The following RPS18 variants were observed in gnomAD, a reference collection of about 807,000 sequenced individuals.
RPS18 encodes the protein small ribosomal subunit protein uS13.
For missense variants in RPS18, 49 were observed against 200.8 expected (o/e 0.24, Z 4.57); for synonymous variants, 64 against 70.9 (o/e 0.90, Z 0.49).
chr6:33,275,898 G>C lies in RPS18; in HGVS notation c.189+15G>C, dbSNP rs756470167. 1.1e-5 allele frequency: 18 copies of C among 1,609,252 alleles called. No individual in the cohort carries two copies. The East Asian group carries it at 3.8e-4, about 34-fold the overall frequency. ...CTGAGGATGAGGTGAGGACAAGGAA[G>C]GGGGCTGGGGGTGGGGTCAGCCTCA... On this transcript the variant is annotated intron_variant, in intron 3 of 5. Coordinates refer to ENST00000439602, the MANE Select transcript of RPS18 (RefSeq NM_022551.3).
At position 33,276,507 on chromosome 6, in the gene RPS18, A is replaced by G. The variant is rs1765631737; in HGVS notation, c.*41A>G. The G allele has an allele frequency of 6.9e-7, 1 of 1,458,088 alleles. No individual in the cohort carries two copies. Among genetic ancestry groups the G allele is most frequent in the African/African-American group, 1.4e-5 (1 of 70,954 alleles). The allele number at this position is 1,458,088 out of a possible 1,614,324, so 90.3% of individuals were successfully genotyped here. ...CTGTTAATAAATAGTTTATATACCT[A>G]TGGCTTCCTGTCCTTTCTGTCCATT... is the stretch of plus-strand genomic sequence containing the variant. On this transcript the variant is annotated 3_prime_UTR_variant, in exon 6 of 6. Coordinates refer to ENST00000439602, the MANE Select transcript of RPS18 (RefSeq NM_022551.3).
At chr6:33,274,235 CTG>C (rs751972273) in intron 2 of RPS18, among the ~76,000 whole-genome samples, 1 of 152,194 alleles carries the variant, frequency 6.6e-6, no homozygotes, top group Non-Finnish European at 1.5e-5. Context: ...TTTTTTGAGA[CTG>C]TCGCCCAGGC....
intron 5 of RPS18, 42 bp downstream of exon 5, chr6:33,276,309 A>G: frequency 6.2e-7 from 1 of 1,604,790 alleles, no homozygotes; most frequent in Non-Finnish European, 8.5e-7. Flanking sequence ...TCGACTCAGC[A>G]TTCCTCCTAC....
chr6:33,275,116 A>C (rs1765536453), intron 2 of RPS18, among the ~76,000 whole-genome samples: 1 of 152,054 alleles, frequency 6.6e-6, no homozygotes, highest in African/African-American at 2.4e-5. Flanking sequence ...ACCTTAATCA[A>C]AGCCTGTAAC....
chr6:33,272,502 G>T (rs553519550), intron 1 of RPS18, 126 bp from the exon 2 acceptor site: 1 of 730,960 alleles, frequency 1.4e-6, no homozygotes, highest in South Asian at 1.5e-5. Context: ...CTAAGGAATG[G>T]GGGGCGGGTG....
rs376252953 is a variant in RPS18 at position 33,272,127 on chromosome 6, G to T, written c.3+5G>T. The T allele has an allele frequency of 6.4e-7, 1 of 1,566,994 alleles. No individual in the cohort carries two copies. Among genetic ancestry groups the T allele is most frequent in the Non-Finnish European group, 8.7e-7 (1 of 1,155,724 alleles). The stretch of plus-strand genomic sequence containing the variant: ...GCCGCTTGTGCTGCAGCCATGGTAA[G>T]ACTGGAATCCGTGCCGTGATCCAGC... On this transcript the variant is annotated splice_donor_5th_base_variant and intron_variant, in intron 1 of 5. Coordinates refer to ENST00000439602, the MANE Select transcript of RPS18 (RefSeq NM_022551.3).
At chr6:33,272,996 C>A (rs1023402251) in intron 2 of RPS18, among the ~76,000 whole-genome samples, 1 of 152,214 alleles carries the variant, frequency 6.6e-6, no homozygotes, top group Non-Finnish European at 1.5e-5. Flanking sequence ...CACCCGAATT[C>A]GCTAAGATTT....
In RPS18 at chr6:33,276,161, C is replaced by T. The variant is rs1765610648; in HGVS notation, c.292-15C>T. ...CAGGGGATAAAACATCCCTTGCCCC[C>T]TCCTCTGAATCCAGGTCCTAGCCAA... On this transcript the variant is annotated splice_polypyrimidine_tract_variant and intron_variant, in intron 4 of 5. Transcript: ENST00000439602. 1 of 1,613,376 alleles carries T rather than the reference C, an allele frequency of 6.2e-7. No homozygotes were observed. Among genetic ancestry groups the T allele is most frequent in the South Asian group, 1.1e-5 (1 of 91,072 alleles).
intron 4 of RPS18, 46 bp downstream of exon 4, chr6:33,276,112 C>CTA (rs1468163471): frequency 6.2e-7 from 1 of 1,606,562 alleles, no homozygotes; most frequent in South Asian, 1.1e-5. Flanking sequence ...GTGGAGGGTC[C>CTA]TAACAGAATT....
intron 1 of RPS18, chr6:33,272,355 A>G: frequency 1.6e-6 from 1 of 608,866 alleles, no homozygotes; most frequent in South Asian, 2.0e-5. Context: ...TATATGGGGA[A>G]CTCTGGCTTT....
At chr6:33,274,417 C>T (rs1765496088) in intron 2 of RPS18, among the ~76,000 whole-genome samples, 2 of 152,272 alleles carry the variant, frequency 1.3e-5, no homozygotes, top group South Asian at 4.1e-4. Context: ...GCTCAGTGAT[C>T]CTCCAGCCTC....
intron 2 of RPS18, among the ~76,000 whole-genome samples, chr6:33,273,016 A>G (rs1765343355): frequency 6.6e-6 from 1 of 152,242 alleles, no homozygotes; most frequent in Admixed American, 6.5e-5. Context: ...TTCCTGAACC[A>G]CGAGCTTGTG....
At chr6:33,274,851 G>C (rs1047175640) in intron 2 of RPS18, among the ~76,000 whole-genome samples, 2 of 152,182 alleles carry the variant, frequency 1.3e-5, no homozygotes, top group South Asian at 4.1e-4. Flanking sequence ...ATGAGGGGCA[G>C]GGCTCAGTAT....
intron 1 of RPS18, 142 bp downstream of exon 1, chr6:33,272,264 A>G: frequency 4.2e-6 from 4 of 949,250 alleles, no homozygotes; most frequent in Non-Finnish European, 4.8e-6. Flanking sequence ...GGAAAGGGAC[A>G]CCAAAGATTT....
Position 33,276,279 on chromosome 6 carries a change from G to A in RPS18, c.383+12G>A. The A allele has an allele frequency of 1.2e-6, 2 of 1,611,334 alleles. No individual in the cohort carries two copies. The highest frequency in any genetic ancestry group is 8.5e-7 in the Non-Finnish European group (1 of 1,177,548). On this transcript the variant is annotated intron_variant, in intron 5 of 5. Coordinates refer to ENST00000439602, the MANE Select transcript of RPS18 (RefSeq NM_022551.3). Reference sequence around the variant, plus strand: ...CGTCACTTCTGGGGGTGAGTGGGGGGTCTCATCTCCCTGCCTACCTCGACT... The same window carrying A: ...CGTCACTTCTGGGGGTGAGTGGGGGATCTCATCTCCCTGCCTACCTCGACT...
intron 2 of RPS18, 74 bp downstream of exon 2, chr6:33,272,800 A>G: frequency 2.5e-6 from 2 of 807,356 alleles, no homozygotes; most frequent in East Asian, 2.4e-5. Context: ...AAAATGAAGC[A>G]AGGCTGGGGA....
chr6:33,272,772 G>T, intron 2 of RPS18, 46 bp downstream of exon 2: 6 of 961,888 alleles, frequency 6.2e-6, no homozygotes, highest in Non-Finnish European at 1.0e-5. Flanking sequence ...TGAGAATTGG[G>T]TTGTGAAGAC....
At position 33,272,110 on chromosome 6, in the gene RPS18, T is replaced by G. The variant is rs559057619; in HGVS notation, c.-10T>G. The G allele has an allele frequency of 9.6e-6, 15 of 1,567,936 alleles. No homozygotes were observed. In the South Asian group the frequency reaches 1.4e-4, roughly 15 times the overall value. ...CAGGAGGCCTACACGCCGCCGCTTG[T>G]GCTGCAGCCATGGTAAGACTGGAAT... On this transcript the variant is annotated 5_prime_UTR_variant, in exon 1 of 6. Coordinates refer to ENST00000439602, the MANE Select transcript of RPS18 (RefSeq NM_022551.3).
At position 33,276,211 on chromosome 6, in the gene RPS18, A is replaced by C. The variant is rs1378162097; in HGVS notation, c.327A>C (p.Glu109Asp). The C allele has an allele frequency of 1.2e-6, 2 of 1,614,156 alleles. No individual in the cohort carries two copies. The highest frequency in any genetic ancestry group is 3.3e-5 in the Admixed American group (2 of 60,014). Residue 109 changes from glutamate to aspartate, a missense_variant, in exon 5 of 6, where the codon GAA (glutamate) becomes GAC (aspartate). Physicochemically the swap from Glu to Asp is conservative, Grantham distance 45. Transcript: ENST00000439602. ...LANGLDNKLR[E>D]DLERLKKIRA... ...ATGGTCTGGACAACAAGCTCCGTGA[A>C]GACCTGGAGCGACTGAAGAAGATTC...
Sources: gnomAD v4.1 joint callset for allele counts (sites outside exome capture counted in the v4.1 genomes callset) on GRCh38, gnomAD v4.1.1 for gene constraint, MANE v1.5 for transcripts, NCBI Gene and HGNC (gene_info 2026-07-23, HGNC 2026-07-21) for gene names.